The following TMEM132C variants were observed in gnomAD, a reference collection of about 807,000 sequenced individuals.
TMEM132C encodes transmembrane protein 132C.
TMEM132C carries 29 observed loss-of-function variants against 61.4 expected under a neutral mutation model. The ratio of observed to expected loss-of-function variants is 0.47; its 90% CI spans 0.35 to 0.64. The LOEUF (loss-of-function observed/expected upper bound fraction) is 0.64. Among genes scored for constraint, TMEM132C ranks in the 30% least tolerant of loss-of-function variants. TMEM132C has a pLI of 0.00. For synonymous variants in TMEM132C, 656 were observed against 633.1 expected, an observed-to-expected ratio of 1.04 and a Z score of -0.54; for missense variants, 1,408 against 1,476.9, an observed-to-expected ratio of 0.95 and a Z score of 0.76.
chr12:128,438,910 A>G (rs909010615), intron 2 of TMEM132C: 1 of 152,180 alleles, frequency 6.6e-6, no homozygotes, highest in Admixed American at 6.5e-5. Flanking sequence ...TGTAAGCCTG[A>G]GCAGACTTCC....
intron 1 of TMEM132C, among the ~76,000 whole-genome samples, chr12:128,369,196 T>A (rs1443128438): frequency 6.6e-6 from 1 of 152,226 alleles, no homozygotes; most frequent in Non-Finnish European, 1.5e-5. Flanking sequence ...CCAGACACTG[T>A]CTTAAGCACT....
chr12:128,402,477 A>G (rs1437615579), intron 1 of TMEM132C, among the ~76,000 whole-genome samples: 1 of 152,166 alleles, frequency 6.6e-6, no homozygotes, highest in Non-Finnish European at 1.5e-5. Context: ...CTCCAGGACT[A>G]TATAAAAAGA....
At chr12:128,348,590 A>G (rs1873245094) in intron 1 of TMEM132C, among the ~76,000 whole-genome samples, 1 of 152,186 alleles carries the variant, frequency 6.6e-6, no homozygotes, top group African/African-American at 2.4e-5. Context: ...TGTAAAAATG[A>G]CTGGCATTTC....
intron 3 of TMEM132C, among the ~76,000 whole-genome samples, chr12:128,568,944 G>A (rs897083821): frequency 1.3e-5 from 2 of 152,114 alleles, no homozygotes; most frequent in Non-Finnish European, 2.9e-5. Flanking sequence ...CCTTCTCTGC[G>A]CTGGGCACTC....
At chr12:128,593,844 A>G (rs10847654) in intron 3 of TMEM132C, among the ~76,000 whole-genome samples, 47,271 of 152,004 alleles carry the variant, frequency 0.31, 8,949 homozygotes, top group East Asian at 0.64. Flanking sequence ...CCTCCAGTGC[A>G]TTTTAGTTTC....
Position 128,555,164 on chromosome 12 carries a change from A to C in TMEM132C, c.1121+11061A>C, listed in dbSNP as rs576207258. Among the ~76,000 whole-genome samples, 29 of 152,326 alleles carry C rather than the reference A, an allele frequency of 1.9e-4. No homozygotes were observed. The Middle Eastern group carries it at 0.024, about 125-fold the overall frequency. ...TTTCCAAAAAAACAAAAAACAAAAC[A>C]AAACCCAAAATCGTTGAAAATGGTG... On this transcript the variant is annotated intron_variant, in intron 3 of 8. Coordinates refer to ENST00000435159, the MANE Select transcript of TMEM132C (RefSeq NM_001136103.3).
intron 2 of TMEM132C, among the ~76,000 whole-genome samples, chr12:128,495,980 CTTTCCATGTT>C (rs752187591): frequency 1.1e-3 from 163 of 152,294 alleles, no homozygotes; most frequent in South Asian, 2.3e-3. Flanking sequence ...CCGGTTGTTT[CTTTCCATGTT>C]TAGTGCTTCC....
intron 5 of TMEM132C, among the ~76,000 whole-genome samples, chr12:128,691,567 T>A (rs1054132993): frequency 6.6e-6 from 1 of 152,248 alleles, no homozygotes; most frequent in Non-Finnish European, 1.5e-5. Flanking sequence ...CATCCACCCA[T>A]CTGTCTGTCC....
intron 5 of TMEM132C, among the ~76,000 whole-genome samples, chr12:128,682,581 A>T (rs984639132): frequency 5.3e-5 from 8 of 152,230 alleles, no homozygotes; most frequent in African/African-American, 1.9e-4. Context: ...GGCCGTTAAC[A>T]CTCTCTGTGT....
intron 1 of TMEM132C, among the ~76,000 whole-genome samples, chr12:128,290,879 C>T (rs1871227057): frequency 6.6e-6 from 1 of 151,988 alleles, no homozygotes; most frequent in South Asian, 2.1e-4. Flanking sequence ...AGTGATTTCC[C>T]AATTTCATAA....
intron 4 of TMEM132C, among the ~76,000 whole-genome samples, chr12:128,619,505 T>G (rs1347092657): frequency 6.6e-6 from 1 of 152,202 alleles, no homozygotes; most frequent in African/African-American, 2.4e-5. Flanking sequence ...GGCACTCTTT[T>G]GTTTGGAGAG....
At chr12:128,471,030 G>A (rs978052400) in intron 2 of TMEM132C, among the ~76,000 whole-genome samples, 3 of 152,166 alleles carry the variant, frequency 2.0e-5, no homozygotes, top group African/African-American at 7.2e-5. Context: ...GGCACTACTG[G>A]TATTTTGAAT....
chr12:128,349,832 C>T (rs1391698823), intron 1 of TMEM132C, among the ~76,000 whole-genome samples: 1 of 152,106 alleles, frequency 6.6e-6, no homozygotes, highest in Non-Finnish European at 1.5e-5. Context: ...TCTTTTCTCT[C>T]TCTGTATTAA....
At chr12:128,496,715 A>T (rs1871975300) in intron 2 of TMEM132C, among the ~76,000 whole-genome samples, 1 of 152,166 alleles carries the variant, frequency 6.6e-6, no homozygotes, top group Non-Finnish European at 1.5e-5. Flanking sequence ...TACACTGGTT[A>T]TTCTAGTTAG....
intron 2 of TMEM132C, among the ~76,000 whole-genome samples, chr12:128,480,313 A>G (rs952681406): frequency 2.6e-5 from 4 of 152,196 alleles, no homozygotes; most frequent in South Asian, 2.1e-4. Context: ...GCAATTTGAT[A>G]CATTTGGCTT....
chr12:128,332,773 T>C (rs936328988), intron 1 of TMEM132C, among the ~76,000 whole-genome samples: 2 of 152,206 alleles, frequency 1.3e-5, no homozygotes, highest in African/African-American at 4.8e-5. Context: ...TCCCTTCTTT[T>C]CCTCTAGAAA....
intron 6 of TMEM132C, among the ~76,000 whole-genome samples, chr12:128,694,502 C>T (rs551899045): frequency 2.3e-4 from 35 of 152,212 alleles, no homozygotes; most frequent in African/African-American, 7.5e-4. Context: ...TTTGGGATTC[C>T]GGACTGTCTG....
intron 1 of TMEM132C, among the ~76,000 whole-genome samples, chr12:128,372,448 T>C (rs1055734549): frequency 1.3e-5 from 2 of 152,146 alleles, no homozygotes; most frequent in African/African-American, 4.8e-5. Context: ...AAGCACAAGA[T>C]GAAATAAACG....
At chr12:128,522,382 C>A (rs1300429985) in intron 2 of TMEM132C, among the ~76,000 whole-genome samples, 1 of 152,208 alleles carries the variant, frequency 6.6e-6, no homozygotes, top group South Asian at 2.1e-4. Flanking sequence ...CAAAGGCTTT[C>A]CAGATTGCTA....
Sources: allele counts gnomAD v4.1 joint callset (sites outside exome capture counted in the v4.1 genomes callset), GRCh38; gene constraint gnomAD v4.1.1; transcripts MANE v1.5; gene names NCBI Gene and HGNC (gene_info 2026-07-23, HGNC 2026-07-21).